Variants in ALPK2 observed in about 807,000 individuals in gnomAD.
ALPK2 encodes alpha-protein kinase 2.
ALPK2 carries 127 observed loss-of-function variants against 163.1 expected under a neutral mutation model. That is an observed-to-expected ratio of 0.78 (90% CI 0.67 to 0.90). The LOEUF (loss-of-function observed/expected upper bound fraction) is 0.90. ALPK2 is among the 40% of genes least tolerant of loss of function. ALPK2 has a pLI of 0.00. For missense variants in ALPK2, 2,360 were observed against 2,589.6 expected, an observed-to-expected ratio of 0.91 and a Z score of 1.92; for synonymous variants, 953 against 959.1, an observed-to-expected ratio of 0.99 and a Z score of 0.12.
At chr18:58,618,795 A>T (rs1479421254) in intron 1 of ALPK2, among the ~76,000 whole-genome samples, 1 of 152,172 alleles carries the variant, frequency 6.6e-6, no homozygotes, top group South Asian at 2.1e-4. Context: ...CACCCCTGCA[A>T]TCTGCATCCC....
chr18:58,600,861 C>T (rs759895777), intron 3 of ALPK2, among the ~76,000 whole-genome samples: 11 of 152,190 alleles, frequency 7.2e-5, no homozygotes, highest in Non-Finnish European at 1.5e-4. Context: ...GGACTGATCC[C>T]ACTGGACTGT....
At chr18:58,603,091 G>C (rs1298401902) in intron 3 of ALPK2, among the ~76,000 whole-genome samples, 2 of 152,204 alleles carry the variant, frequency 1.3e-5, no homozygotes, top group Non-Finnish European at 2.9e-5. Flanking sequence ...AGTATACTCA[G>C]GCGAGCAGCC....
intron 4 of ALPK2, among the ~76,000 whole-genome samples, chr18:58,568,527 G>A (rs1848111516): frequency 6.6e-6 from 1 of 152,126 alleles, no homozygotes; most frequent in African/African-American, 2.4e-5. Flanking sequence ...ACGCACGCCT[G>A]AGCTCTACCC....
chr18:58,623,244 T>G (rs1205936524), intron 1 of ALPK2, among the ~76,000 whole-genome samples: 1 of 150,110 alleles, frequency 6.7e-6, no homozygotes. Context: ...TCCAGAAGAT[T>G]TTTTTTTAAT....
Position 58,536,529 on chromosome 18 carries a change from C to T in ALPK2, c.3658G>A (p.Glu1220Lys). 6.2e-7 allele frequency: 1 copy of T among 1,613,812 alleles called. No individual in the cohort carries two copies. Among genetic ancestry groups the T allele is most frequent in the Non-Finnish European group, 8.5e-7 (1 of 1,180,018 alleles). The change falls in exon 5 of 13, where the codon GAA becomes AAA. Residue 1220 changes from glutamate to lysine, a missense_variant. Coordinates refer to ENST00000361673, the MANE Select transcript of ALPK2 (RefSeq NM_052947.4). ...NVPSLSDILL[E>K]ESKEYRPGNW... ...CCAGGTCTATATTCTTTAGACTCTT[C>T]CAAAAGGATATCAGAGAGAGATGGA... is the stretch of plus-strand genomic sequence containing the variant.
intron 4 of ALPK2, among the ~76,000 whole-genome samples, chr18:58,558,847 C>T (rs948653279): frequency 6.6e-6 from 1 of 152,146 alleles, no homozygotes; most frequent in Non-Finnish European, 1.5e-5. Context: ...TGTATGATTA[C>T]GTTTATACAA....
At chr18:58,498,648 G>C (rs2144107644) in intron 11 of ALPK2, among the ~76,000 whole-genome samples, 1 of 152,302 alleles carries the variant, frequency 6.6e-6, no homozygotes, top group South Asian at 2.1e-4. Context: ...GGGACCCAGT[G>C]GGAGATAATT....
chr18:58,580,615 A>C, intron 3 of ALPK2, 67 bp from the exon 4 acceptor site: 2 of 1,297,780 alleles, frequency 1.5e-6, no homozygotes, highest in Admixed American at 1.9e-5. Context: ...TTTTCACACC[A>C]TGGCACACAG....
At chr18:58,493,829 C>T (rs2051387446) in intron 12 of ALPK2, among the ~76,000 whole-genome samples, 2 of 152,174 alleles carry the variant, frequency 1.3e-5, no homozygotes, top group Admixed American at 6.5e-5. Flanking sequence ...GTGTCCTTTA[C>T]GGCTGTCCAT....
chr18:58,501,422 A>C (rs1568067488), intron 11 of ALPK2, among the ~76,000 whole-genome samples: 1 of 152,226 alleles, frequency 6.6e-6, no homozygotes, highest in Non-Finnish European at 1.5e-5. Context: ...AAGTCTCTTC[A>C]AAGAGTGAAG....
At chr18:58,604,873 C>A (rs189216951) in intron 3 of ALPK2, among the ~76,000 whole-genome samples, 1 of 152,296 alleles carries the variant, frequency 6.6e-6, no homozygotes, top group East Asian at 1.9e-4. Flanking sequence ...GCTTTGTATA[C>A]CTTCTGCTTT....
intron 6 of ALPK2, among the ~76,000 whole-genome samples, chr18:58,526,687 A>G (rs2051586714): frequency 1.3e-5 from 2 of 152,164 alleles, no homozygotes; most frequent in Non-Finnish European, 2.9e-5. Flanking sequence ...CTACACAGAG[A>G]CTCAAACCAA....
At chr18:58,484,147 T>C (rs1421103515) in intron 12 of ALPK2, among the ~76,000 whole-genome samples, 1 of 152,176 alleles carries the variant, frequency 6.6e-6, no homozygotes, top group African/African-American at 2.4e-5. Context: ...AAGAGTGGGA[T>C]GCTTTTATTT....
intron 4 of ALPK2, among the ~76,000 whole-genome samples, chr18:58,564,197 G>A (rs1355747688): frequency 1.4e-5 from 2 of 141,122 alleles, no homozygotes; most frequent in Non-Finnish European, 3.0e-5. Context: ...ATCTCAGCTC[G>A]CTGCAGCCTC....
chr18:58,579,766 GTCATAACA>G lies in ALPK2; in HGVS notation c.1002_1009del (p.Val335GlyfsTer4), dbSNP rs2051946221. On this transcript the variant is annotated frameshift_variant, in exon 4 of 13. Coordinates refer to ENST00000361673, the MANE Select transcript of ALPK2 (RefSeq NM_052947.4). LOFTEE classifies it high-confidence loss of function. ...TTGCCAAACTGCATTAGAGTAATCC[GTCATAACA>G]TCAGAACATTCCAGATACTCCAGGT... 1.2e-6 allele frequency: 2 copies of G among 1,614,130 alleles called. No homozygotes were observed. Among genetic ancestry groups the G allele is most frequent in the Non-Finnish European group, 1.7e-6 (2 of 1,180,024 alleles).
At chr18:58,493,506 C>T (rs937774882) in intron 12 of ALPK2, among the ~76,000 whole-genome samples, 8 of 152,176 alleles carry the variant, frequency 5.3e-5, no homozygotes, top group African/African-American at 1.7e-4. Context: ...CCGTCCCCTC[C>T]ATCTGCTTGT....
intron 11 of ALPK2, among the ~76,000 whole-genome samples, chr18:58,498,544 A>G (rs140540303): frequency 3.5e-4 from 53 of 152,230 alleles, no homozygotes; most frequent in African/African-American, 1.2e-3. Context: ...GGGATAGTCA[A>G]TGCCAATAGC....
intron 4 of ALPK2, among the ~76,000 whole-genome samples, chr18:58,544,010 G>A (rs546950172): frequency 6.6e-6 from 1 of 152,224 alleles, no homozygotes; most frequent in South Asian, 2.1e-4. Flanking sequence ...GTGCAACATG[G>A]CCATCTCTCA....
At position 58,481,878 on chromosome 18, in the gene ALPK2, T is replaced by C; in HGVS notation, c.6458A>G (p.Asn2153Ser). ...CCCTGCCTTCTTTATTGTCATAGAG[T>C]TTGTTTGAACTTTGCTTTTCCCAAT... ...PSIGKSKVQTNSMTIKKAGPE... is the reference protein window; with the variant it reads ...PSIGKSKVQTSSMTIKKAGPE... The change falls in exon 13 of 13, where the codon AAC becomes AGC. Residue 2153 changes from asparagine to serine, a missense_variant. By Grantham distance (46) the Asn-to-Ser change is conservative. Coordinates refer to ENST00000361673, the MANE Select transcript of ALPK2 (RefSeq NM_052947.4). 2.5e-6 allele frequency: 4 copies of C among 1,613,984 alleles called. No homozygotes were observed. Among genetic ancestry groups the C allele is most frequent in the Non-Finnish European group, 3.4e-6 (4 of 1,179,876 alleles).
Sources: gnomAD v4.1 joint callset for allele counts (sites outside exome capture counted in the v4.1 genomes callset) on GRCh38, gnomAD v4.1.1 for gene constraint, MANE v1.5 for transcripts, NCBI Gene and HGNC (gene_info 2026-07-23, HGNC 2026-07-21) for gene names.